HS6ST1: variants seen among roughly 807,000 people sequenced by gnomAD.
HS6ST1 encodes the protein heparan-sulfate 6-O-sulfotransferase 1.
In HS6ST1, 3 loss-of-function variants were observed where a neutral mutation model predicts 25.2. That is an observed-to-expected ratio of 0.12 (90% CI 0.05 to 0.31). The LOEUF is 0.31. Ranked by LOEUF, HS6ST1 falls within the 10% of genes least tolerant of loss-of-function variation. HS6ST1 has a pLI of 1.00. For missense variants in HS6ST1, 310 were observed against 609.6 expected (o/e 0.51, Z 5.18); for synonymous variants, 204 against 275.1 (o/e 0.74, Z 2.56).
At chr2:128,300,673 G>A (rs934737537) in intron 1 of HS6ST1, among the ~76,000 whole-genome samples, 4 of 152,194 alleles carry the variant, frequency 2.6e-5, no homozygotes, top group African/African-American at 2.4e-5. Flanking sequence ...CTTGAGTTAC[G>A]CAGGTGGAGG....
At chr2:128,275,270 G>GT (rs753255618) in intron 1 of HS6ST1, among the ~76,000 whole-genome samples, 2 of 148,942 alleles carry the variant, frequency 1.3e-5, no homozygotes, top group Non-Finnish European at 2.9e-5. Flanking sequence ...TAATAAAAAC[G>GT]TGAGTTTTAA....
chr2:128,273,110 G>A (rs1437985002), intron 1 of HS6ST1, among the ~76,000 whole-genome samples: 1 of 152,210 alleles, frequency 6.6e-6, no homozygotes, highest in East Asian at 1.9e-4. Context: ...CACCAGGGAG[G>A]CGGGTGTGTT....
intron 1 of HS6ST1, among the ~76,000 whole-genome samples, chr2:128,286,425 C>G (rs368621755): frequency 2.0e-5 from 3 of 152,112 alleles, no homozygotes; most frequent in South Asian, 2.1e-4. Flanking sequence ...GCTTGGAGGA[C>G]GAGGAGGAGC....
rs1693526245 is a variant in HS6ST1 at position 128,266,959 on chromosome 2, G to A, written c.*1203C>T. The A allele has an allele frequency of 6.6e-6, 1 of 152,124 alleles. No homozygotes were observed. The highest frequency in any genetic ancestry group is 2.4e-5 in the African/African-American group (1 of 41,374). The allele number at this position is 152,124 out of a possible 1,614,324, so 9.4% of individuals were successfully genotyped here. On this transcript the variant is annotated 3_prime_UTR_variant, in exon 2 of 2. Coordinates refer to ENST00000259241, the MANE Select transcript of HS6ST1 (RefSeq NM_004807.3). ...CAGGGGGTGGGGAGCATGGGGAAAT[G>A]CAAGGAGAGCCAGGGTGGGGAGGGC... is the stretch of plus-strand genomic sequence containing the variant.
intron 1 of HS6ST1, among the ~76,000 whole-genome samples, chr2:128,274,596 G>C (rs1693662148): frequency 6.6e-6 from 1 of 152,214 alleles, no homozygotes; most frequent in Non-Finnish European, 1.5e-5. Flanking sequence ...TTGGAAGCCA[G>C]GAGCTCCAAC....
rs1448339698 is a variant in HS6ST1 at position 128,318,297 on chromosome 2, G to T, written c.267C>A (p.Ile89=). ...LRFDMKGDDV[I]VFLHIQKTGG... Reference sequence around the variant, plus strand: ...CCGTCTTCTGGATGTGCAGGAAGACGATCACGTCGTCGCCCTTCATGTCGA... The same window carrying T: ...CCGTCTTCTGGATGTGCAGGAAGACTATCACGTCGTCGCCCTTCATGTCGA... Residue 89 remains isoleucine, a synonymous_variant, in exon 1 of 2, where the codon ATC becomes ATA. Coordinates refer to ENST00000259241, the MANE Select transcript of HS6ST1 (RefSeq NM_004807.3). The surrounding 1 kb of genome is among the most constrained non-coding windows in gnomAD (Gnocchi z 5.7). 10 of 1,604,122 alleles carry T rather than the reference G, an allele frequency of 6.2e-6. No homozygotes were observed. The Admixed American group carries it at 1.3e-4, about 21-fold the overall frequency.
chr2:128,299,796 C>A (rs112600763), intron 1 of HS6ST1, among the ~76,000 whole-genome samples: 2 of 152,216 alleles, frequency 1.3e-5, no homozygotes, highest in African/African-American at 4.8e-5. Context: ...TCCCCCATCC[C>A]GGCCCTGCTA....
At chr2:128,317,123 A>G (rs1390054038) in intron 1 of HS6ST1, among the ~76,000 whole-genome samples, 2 of 152,176 alleles carry the variant, frequency 1.3e-5, no homozygotes, top group Non-Finnish European at 1.5e-5. Context: ...CAGGAACAGG[A>G]GGAAAATAAC....
At chr2:128,296,421 ATC>A (rs1252551523) in intron 1 of HS6ST1, among the ~76,000 whole-genome samples, 1 of 152,254 alleles carries the variant, frequency 6.6e-6, no homozygotes, top group African/African-American at 2.4e-5. Context: ...AAGGAAAGTT[ATC>A]TCTCTTCTCA....
intron 1 of HS6ST1, among the ~76,000 whole-genome samples, chr2:128,302,332 T>G (rs957905630): frequency 6.6e-6 from 1 of 152,166 alleles, no homozygotes; most frequent in Non-Finnish European, 1.5e-5. Flanking sequence ...AAGGCTGGCG[T>G]GCATGTGTGT....
In HS6ST1 at chr2:128,303,855, T is replaced by A. The variant is rs539039020; in HGVS notation, c.527+14182A>T. Among the ~76,000 whole-genome samples the A allele has an allele frequency of 2.6e-5, 4 of 152,362 alleles. 1 individual carries two copies. Among genetic ancestry groups the A allele is most frequent in the South Asian group, 2.1e-4 (1 of 4,834 alleles). ...AAAGCTTTGTTTCTGGGTATGTCTGTGATTGGCATTTGAATGGGTGGATTG... is the reference window on the plus strand; with the variant it reads ...AAAGCTTTGTTTCTGGGTATGTCTGAGATTGGCATTTGAATGGGTGGATTG... On this transcript the variant is annotated intron_variant, in intron 1 of 1. Transcript: ENST00000259241.
chr2:128,268,981 T>G, intron 1 of HS6ST1, 111 bp from the exon 2 acceptor site: 1 of 839,134 alleles, frequency 1.2e-6, no homozygotes, highest in East Asian at 2.6e-5. Flanking sequence ...TCGCCTCTAA[T>G]GCCAACCAAC....
intron 1 of HS6ST1, among the ~76,000 whole-genome samples, chr2:128,279,088 C>T (rs896841263): frequency 3.9e-5 from 6 of 152,170 alleles, no homozygotes; most frequent in East Asian, 1.9e-4. Flanking sequence ...TAGACGGGGC[C>T]GGCCGCACCA....
chr2:128,289,433 T>A (rs1015467166), intron 1 of HS6ST1, among the ~76,000 whole-genome samples: 6 of 152,188 alleles, frequency 3.9e-5, no homozygotes, highest in Admixed American at 3.3e-4. Context: ...AAATGGAGAC[T>A]CAGAGATCCT....
intron 1 of HS6ST1, among the ~76,000 whole-genome samples, chr2:128,281,972 A>G (rs1693796756): frequency 6.6e-6 from 1 of 152,232 alleles, no homozygotes; most frequent in African/African-American, 2.4e-5. Flanking sequence ...ATTGGAGCCC[A>G]TGTCCACCTG....
rs562649471 is a variant in HS6ST1 at position 128,280,790 on chromosome 2, G to A, written c.528-11920C>T. Among the ~76,000 whole-genome samples, 3 of 152,306 alleles carry A rather than the reference G, an allele frequency of 2.0e-5. No individual in the cohort carries two copies. The East Asian group carries it at 5.8e-4, about 29-fold the overall frequency. ...AGTGGTCAGGTGCTGTGTGGGCACA[G>A]GGGGCAGTCCTCACCCATGTGCTTC... On this transcript the variant is annotated intron_variant, in intron 1 of 1. Transcript: ENST00000259241.
chr2:128,291,810 T>C (rs1438306820), intron 1 of HS6ST1, among the ~76,000 whole-genome samples: 1 of 152,248 alleles, frequency 6.6e-6, no homozygotes, highest in Non-Finnish European at 1.5e-5. Context: ...GGCTAACAGC[T>C]GTGCAGGGGC....
chr2:128,296,091 G>A (rs1434412513), intron 1 of HS6ST1, among the ~76,000 whole-genome samples: 1 of 152,178 alleles, frequency 6.6e-6, no homozygotes, highest in Non-Finnish European at 1.5e-5. Context: ...TACAAGACAG[G>A]CAACAAGCCC....
intron 1 of HS6ST1, among the ~76,000 whole-genome samples, chr2:128,279,556 C>T (rs2104916482): frequency 6.6e-6 from 1 of 152,150 alleles, no homozygotes; most frequent in East Asian, 1.9e-4. Flanking sequence ...TTTGATCTCC[C>T]AGGGACCAGG....
Sources: allele counts gnomAD v4.1 joint callset (sites outside exome capture counted in the v4.1 genomes callset), GRCh38; gene constraint gnomAD v4.1.1; non-coding constraint Gnocchi (gnomAD v3.1); transcripts MANE v1.5; gene names NCBI Gene and HGNC (gene_info 2026-07-23, HGNC 2026-07-21).